Variants in ZBTB7A observed in about 807,000 individuals in gnomAD.
ZBTB7A encodes the protein zinc finger and BTB domain containing 7A.
In ZBTB7A, 7 loss-of-function variants were observed where a neutral mutation model predicts 26.7. The ratio of observed to expected loss-of-function variants is 0.26; its 90% confidence interval spans 0.15 to 0.49. ZBTB7A has a LOEUF of 0.49. ZBTB7A is among the 20% of genes least tolerant of loss of function. The pLI is 0.98. For synonymous variants in ZBTB7A, 452 were observed against 441.0 expected (o/e 1.02, Z -0.31); for missense variants, 617 against 919.5 (o/e 0.67, Z 4.25).
At chr19:4,061,741 T>C (rs539859682) in intron 1 of ZBTB7A, 1 of 152,372 alleles carries the variant, frequency 6.6e-6, no homozygotes, top group African/African-American at 2.4e-5. Flanking sequence ...GGGGCAGCGA[T>C]GAGGAGGCCA....
At chr19:4,059,046 C>T (rs1248978684) in intron 1 of ZBTB7A, among the ~76,000 whole-genome samples, 18 of 152,210 alleles carry the variant, frequency 1.2e-4, no homozygotes, top group Admixed American at 1.2e-3. Flanking sequence ...TCCGAGGAGT[C>T]CCCTTTGGTG....
intron 2 of ZBTB7A, among the ~76,000 whole-genome samples, chr19:4,049,164 GTGTGTATATATATA>G (rs1314483022): frequency 0.011 from 233 of 21,174 alleles, 3 homozygotes; most frequent in African/African-American, 0.021. Flanking sequence ...GTGTGTGTGT[GTGTGTATATATATA>G]TATATATATA....
rs770934571 is a variant in ZBTB7A at position 4,047,962 on chromosome 19, G to A, written c.1545C>T (p.Thr515=). 8.8e-6 allele frequency: 11 copies of A among 1,245,782 alleles called. No homozygotes were observed. Among genetic ancestry groups the A allele is most frequent in the South Asian group, 2.4e-5 (1 of 42,196 alleles). 77.2% of individuals were successfully genotyped at this position (1,245,782 alleles called of 1,614,324 possible). The change falls in exon 3 of 3, where the codon ACC becomes ACT. Residue 515 remains threonine (T), a synonymous_variant. Transcript: ENST00000322357. ...GGAPDPSPGA[T]ATPGAPAQPS... ...GCTGGGCGGGGGCGCCGGGGGTCGC[G>A]GTGGCCCCCGGGCTGGGGTCGGGCG... is the stretch of plus-strand genomic sequence containing the variant.
rs1294979202 is a variant in ZBTB7A at position 4,045,688 on chromosome 19, C to A, written c.*2064G>T. ...GACAAGAAGTCTCAGTGCAGCAGAG[C>A]GTCTATTTTCGGGGTCCCATGCTAG... On this transcript the variant is annotated 3_prime_UTR_variant, in exon 3 of 3. Coordinates refer to ENST00000322357, the MANE Select transcript of ZBTB7A (RefSeq NM_015898.4). The surrounding 1 kb of genome is among the most constrained non-coding windows in gnomAD (Gnocchi z 4.1). 7.7e-6 allele frequency: 3 copies of A among 387,738 alleles called. No homozygotes were observed. The East Asian group carries it at 1.1e-4, about 14-fold the overall frequency. 24.0% of individuals were successfully genotyped at this position (387,738 alleles called of 1,614,324 possible).
chr19:4,051,090 T>TC, intron 2 of ZBTB7A, among the ~76,000 whole-genome samples: 1 of 86,530 alleles, frequency 1.2e-5, no homozygotes, highest in Non-Finnish European at 2.0e-5. Context: ...AGAGCAAGAC[T>TC]CGTCTCAAAA....
rs1020412662 is a variant in ZBTB7A, at chr19:4,047,609, A to G, written c.*143T>C. 2.9e-5 allele frequency: 18 copies of G among 613,028 alleles called. No individual in the cohort carries two copies. Among genetic ancestry groups the G allele is most frequent in the Non-Finnish European group, 4.3e-5 (18 of 414,820 alleles). The allele number at this position is 613,028 out of a possible 1,614,324, so 38.0% of individuals were successfully genotyped here. ...AGATTCTGTGACGCGTCATATATAT[A>G]TATCTGTATATATATATATAGATAT... On this transcript the variant is annotated 3_prime_UTR_variant, in exon 3 of 3. Transcript: ENST00000322357.
chr19:4,061,067 C>T (rs895929994), intron 1 of ZBTB7A, among the ~76,000 whole-genome samples: 1 of 152,198 alleles, frequency 6.6e-6, no homozygotes, highest in African/African-American at 2.4e-5. Context: ...AGGGGCCCCC[C>T]ACTGTGGTCA....
At chr19:4,055,411 C>T (rs1403128979) in intron 1 of ZBTB7A, 164 bp from the exon 2 acceptor site, 6 of 985,334 alleles carry the variant, frequency 6.1e-6, no homozygotes, top group Admixed American at 6.1e-5. Context: ...GCCTTTCCAG[C>T]CCCAGCTTCC....
At chr19:4,063,621 G>A (rs2040661737) in intron 1 of ZBTB7A, among the ~76,000 whole-genome samples, 1 of 152,202 alleles carries the variant, frequency 6.6e-6, no homozygotes, top group Non-Finnish European at 1.5e-5. Flanking sequence ...AAGCCTCGGT[G>A]ACACTCCATT....
chr19:4,051,291 G>A (rs138759096), intron 2 of ZBTB7A, among the ~76,000 whole-genome samples: 112 of 151,960 alleles, frequency 7.4e-4, no homozygotes, highest in African/African-American at 2.5e-3. Flanking sequence ...GAGCCACCTC[G>A]GGTTTCTTCC....
intron 1 of ZBTB7A, among the ~76,000 whole-genome samples, chr19:4,059,135 C>A (rs953685405): frequency 2.6e-5 from 4 of 152,198 alleles, no homozygotes; most frequent in African/African-American, 7.2e-5. Context: ...CCGGATCAGA[C>A]GGGCCCGGGC....
chr19:4,057,792 A>T (rs1275760910), intron 1 of ZBTB7A, among the ~76,000 whole-genome samples: 1 of 151,618 alleles, frequency 6.6e-6, no homozygotes, highest in East Asian at 1.9e-4. Flanking sequence ...AAAAAAAAAA[A>T]AAAAAACAAT....
intron 1 of ZBTB7A, among the ~76,000 whole-genome samples, chr19:4,063,099 G>A (rs920518347): frequency 2.6e-5 from 4 of 152,128 alleles, no homozygotes; most frequent in African/African-American, 9.7e-5. Flanking sequence ...ACAGGTGGGG[G>A]TGCAGGTGTC....
rs2040538598 is a variant in ZBTB7A at position 4,054,009 on chromosome 19, C to G, written c.1224G>C (p.Lys408Asn). 1 of 1,610,532 alleles carries G rather than the reference C, an allele frequency of 6.2e-7. No homozygotes were observed. Among genetic ancestry groups the G allele is most frequent in the Non-Finnish European group, 8.5e-7 (1 of 1,179,426 alleles). Reference sequence around the variant, plus strand: ...CCTTGCAGATGTTGCACTCGTAGGGCTTCTCGCCCGTGTGGGTGCGGATGT... The same window carrying G: ...CCTTGCAGATGTTGCACTCGTAGGGGTTCTCGCCCGTGTGGGTGCGGATGT... ...PRHIRTHTGE[K>N]PYECNICKVR... The change falls in exon 2 of 3, where the codon AAG becomes AAC. Residue 408 changes from lysine (K) to asparagine (N), a missense_variant. By Grantham distance (94) the Lys-to-Asn change is moderately conservative. Transcript: ENST00000322357.
At chr19:4,063,860 C>G (rs774687333) in intron 1 of ZBTB7A, among the ~76,000 whole-genome samples, 6 of 152,304 alleles carry the variant, frequency 3.9e-5, no homozygotes, top group Admixed American at 3.3e-4. Context: ...GCACCTGCTC[C>G]GAGGCTTGCT....
chr19:4,047,588 T>G lies in ZBTB7A; in HGVS notation c.*164A>C. On this transcript the variant is annotated 3_prime_UTR_variant, in exon 3 of 3. Transcript: ENST00000322357. Reference sequence around the variant, plus strand: ...AATCTGAGAAAGCGCTACCCTAGATTCTGTGACGCGTCATATATATATATC... The same window carrying G: ...AATCTGAGAAAGCGCTACCCTAGATGCTGTGACGCGTCATATATATATATC... 5.5e-5 allele frequency: 29 copies of G among 526,590 alleles called. No homozygotes were observed. The highest frequency in any genetic ancestry group is 7.2e-5 in the Non-Finnish European group (26 of 361,296). The allele number at this position is 526,590 out of a possible 1,614,324, so 32.6% of individuals were successfully genotyped here. A position where few individuals can be genotyped will look rare whatever the true frequency, so the allele number is the denominator to read the frequency against.
chr19:4,057,449 C>T (rs185946869), intron 1 of ZBTB7A, among the ~76,000 whole-genome samples: 15 of 152,278 alleles, frequency 9.9e-5, no homozygotes, highest in East Asian at 5.8e-4. Flanking sequence ...GATCTGAGCA[C>T]GGGCTTCGGC....
At chr19:4,053,600 CATGTGTATGTG>C (rs1347434255) in intron 2 of ZBTB7A, among the ~76,000 whole-genome samples, 2 of 145,080 alleles carry the variant, frequency 1.4e-5, no homozygotes, top group South Asian at 2.2e-4. Context: ...TGTGTGCGTG[CATGTGTATGTG>C]ATGTGTATGT....
chr19:4,066,064 C>G (rs1453901199), intron 1 of ZBTB7A, among the ~76,000 whole-genome samples: 1 of 150,518 alleles, frequency 6.6e-6, no homozygotes, highest in Non-Finnish European at 1.5e-5. Flanking sequence ...TAGTCCAAGC[C>G]GCTTGCCACC....
Sources: gnomAD v4.1 joint callset for allele counts (sites outside exome capture counted in the v4.1 genomes callset) on GRCh38, gnomAD v4.1.1 for gene constraint, Gnocchi (gnomAD v3.1) non-coding constraint, MANE v1.5 for transcripts, NCBI Gene and HGNC (gene_info 2026-07-23, HGNC 2026-07-21) for gene names.